CBX5: variants seen among roughly 807,000 people sequenced by gnomAD.
The protein encoded by CBX5 is chromobox protein homolog 5.
Under a neutral mutation model 20.7 loss-of-function variants are expected in CBX5, and 7 were observed. That is an observed-to-expected ratio of 0.34 (90% confidence interval 0.19 to 0.63). CBX5 has a LOEUF of 0.63. Among genes scored for constraint, CBX5 ranks in the 30% least tolerant of loss-of-function variants. The pLI, the probability that CBX5 is intolerant of heterozygous loss-of-function variation, is 0.75. For synonymous variants in CBX5, 78 were observed against 77.0 expected (o/e 1.01, Z -0.07); for missense variants, 110 against 224.1 (o/e 0.49, Z 3.25).
intron 1 of CBX5, among the ~76,000 whole-genome samples, chr12:54,274,562 T>C (rs1183460453): frequency 2.6e-5 from 4 of 152,036 alleles, no homozygotes; most frequent in Admixed American, 2.6e-4. Context: ...AAGGACAAAA[T>C]AAAGACTAGA....
chr12:54,259,120 G>T (rs1053490586), intron 1 of CBX5: 1 of 152,080 alleles, frequency 6.6e-6, no homozygotes, highest in Non-Finnish European at 1.5e-5. Flanking sequence ...GTGCGGGGGG[G>T]TTAAAATAAT....
Position 54,241,660 on chromosome 12 carries a change from T to G in CBX5, c.*95A>C. The G allele has an allele frequency of 3.5e-6, 4 of 1,153,822 alleles. No homozygotes were observed. Among genetic ancestry groups the G allele is most frequent in the Non-Finnish European group, 4.9e-6 (4 of 810,830 alleles). The allele number at this position is 1,153,822 out of a possible 1,614,324, so 71.5% of individuals were successfully genotyped here. On this transcript the variant is annotated 3_prime_UTR_variant, in exon 5 of 5. Transcript: ENST00000209875. ...CAGTGATAAGCACATTTTTTATGGATGTGTTTAGGATAGAAAGGGGTGGGT... is the reference window on the plus strand; with the variant it reads ...CAGTGATAAGCACATTTTTTATGGAGGTGTTTAGGATAGAAAGGGGTGGGT...
intron 3 of CBX5, among the ~76,000 whole-genome samples, chr12:54,249,857 T>A (rs1263420884): frequency 6.6e-6 from 1 of 152,040 alleles, no homozygotes; most frequent in Non-Finnish European, 1.5e-5. Flanking sequence ...AGACAAAAAT[T>A]AATTTTGTAC....
intron 1 of CBX5, chr12:54,278,871 G>T (rs1944097473): frequency 6.6e-6 from 1 of 152,140 alleles, no homozygotes; most frequent in African/African-American, 2.4e-5. Context: ...ATCTTCAATG[G>T]TGTAAAGAAA....
intron 1 of CBX5, chr12:54,272,038 A>G (rs2137031447): frequency 6.6e-6 from 1 of 152,350 alleles, no homozygotes; most frequent in South Asian, 2.1e-4. Context: ...TAGGGATGAG[A>G]AACGAGGCAC....
chr12:54,257,489 C>T lies in CBX5; in HGVS notation c.137+25G>A, dbSNP rs771300504. ...GGTATCTATCTCTACAGAGTCCCAA[C>T]GCCTGGGGGAAAAAAGGAACTTACT... On this transcript the variant is annotated intron_variant, in intron 2 of 4. Coordinates refer to ENST00000209875, the MANE Select transcript of CBX5 (RefSeq NM_012117.3). 27 of 1,613,396 alleles carry T rather than the reference C, an allele frequency of 1.7e-5. No individual in the cohort carries two copies. The Admixed American group carries it at 2.0e-4, about 12-fold the overall frequency.
intron 3 of CBX5, among the ~76,000 whole-genome samples, chr12:54,251,615 T>A (rs1229500417): frequency 6.6e-6 from 1 of 150,770 alleles, no homozygotes; most frequent in Non-Finnish European, 1.5e-5. Context: ...AAGCCGGGAG[T>A]TGGAGATTGC....
rs570605117 is a variant in CBX5, at chr12:54,265,486, G to A, written c.-42-7794C>T. Among the ~76,000 whole-genome samples the A allele has an allele frequency of 5.3e-5, 8 of 152,290 alleles. No homozygotes were observed. The East Asian group carries it at 1.5e-3, about 29-fold the overall frequency. ...AGCTGTCCTGGCTGTCTCAGGTTTT[G>A]TTAAATGGGCTGATAACTATCACTC... On this transcript the variant is annotated intron_variant, in intron 1 of 4. Coordinates refer to ENST00000209875, the MANE Select transcript of CBX5 (RefSeq NM_012117.3).
intron 3 of CBX5, among the ~76,000 whole-genome samples, chr12:54,246,723 G>T (rs369527471): frequency 1.3e-5 from 2 of 149,770 alleles, no homozygotes; most frequent in African/African-American, 4.9e-5. Context: ...GGAGGTTGCA[G>T]TGAGCTGAGA....
chr12:54,259,157 A>C (rs1186700778), intron 1 of CBX5: 1 of 152,166 alleles, frequency 6.6e-6, no homozygotes, highest in Admixed American at 6.6e-5. Flanking sequence ...AAGAGTCCTA[A>C]GCTTCAAGAA....
chr12:54,236,087 A>T lies in CBX5; in HGVS notation c.*5668T>A, dbSNP rs560655783. On this transcript the variant is annotated 3_prime_UTR_variant, in exon 5 of 5. Coordinates refer to ENST00000209875, the MANE Select transcript of CBX5 (RefSeq NM_012117.3). ...GTTCTATGGCCAGCTGGCTCAGTTC[A>T]CCCAATGTTATAGGTCTTTTCCACA... 1 of 152,254 alleles carries T rather than the reference A, an allele frequency of 6.6e-6. No homozygotes were observed. The highest frequency in any genetic ancestry group is 2.1e-4 in the South Asian group (1 of 4,824). The allele number at this position is 152,254 out of a possible 1,614,324, so 9.4% of individuals were successfully genotyped here. A position where few individuals can be genotyped will look rare whatever the true frequency, so the allele number is the denominator to read the frequency against.
rs1044968885 is a variant in CBX5 at position 54,234,700 on chromosome 12, T to C, written c.*7055A>G. 4 of 152,228 alleles carry C rather than the reference T, an allele frequency of 2.6e-5. No homozygotes were observed. The highest frequency in any genetic ancestry group is 7.2e-5 in the African/African-American group (3 of 41,450). 9.4% of individuals were successfully genotyped at this position (152,228 alleles called of 1,614,324 possible). A position where few individuals can be genotyped will look rare whatever the true frequency, so the allele number is the denominator to read the frequency against. Reference sequence around the variant, plus strand: ...CTTTTGCCTCCAGTGCAGGATTCATTCCCTTCCCCACTGCCTTGTTTTAAC... The same window carrying C: ...CTTTTGCCTCCAGTGCAGGATTCATCCCCTTCCCCACTGCCTTGTTTTAAC... On this transcript the variant is annotated 3_prime_UTR_variant, in exon 5 of 5. Transcript: ENST00000209875.
intron 4 of CBX5, among the ~76,000 whole-genome samples, chr12:54,242,435 G>A (rs1027280658): frequency 6.0e-5 from 9 of 149,006 alleles, no homozygotes; most frequent in Non-Finnish European, 1.3e-4. Flanking sequence ...TGAGGCAGGA[G>A]AATGGCGTGA....
intron 1 of CBX5, among the ~76,000 whole-genome samples, chr12:54,265,477 T>C (rs1943948430): frequency 6.6e-6 from 1 of 152,220 alleles, no homozygotes; most frequent in Non-Finnish European, 1.5e-5. Context: ...CCTGGCTGTC[T>C]CAGGTTTTGT....
chr12:54,269,194 C>A (rs996317231), intron 1 of CBX5, among the ~76,000 whole-genome samples: 5 of 151,592 alleles, frequency 3.3e-5, no homozygotes, highest in African/African-American at 1.2e-4. Flanking sequence ...CCCCAGGAGG[C>A]GGAGGTTGCA....
intron 1 of CBX5, among the ~76,000 whole-genome samples, chr12:54,261,574 C>A (rs1943916350): frequency 6.6e-6 from 1 of 152,178 alleles, no homozygotes; most frequent in Admixed American, 6.5e-5. Flanking sequence ...GGATTACAGG[C>A]ATGAGACACT....
intron 1 of CBX5, among the ~76,000 whole-genome samples, chr12:54,279,272 C>T (rs1449083891): frequency 6.6e-6 from 1 of 151,894 alleles, no homozygotes; most frequent in African/African-American, 2.4e-5. Flanking sequence ...AAAGAAGCGA[C>T]TTCTGAAAGT....
chr12:54,247,676 C>T (rs1453504203), intron 3 of CBX5, among the ~76,000 whole-genome samples: 3 of 151,924 alleles, frequency 2.0e-5, no homozygotes, highest in Admixed American at 2.0e-4. Context: ...TTTATACAAG[C>T]CAGGTAATTT....
chr12:54,258,152 T>C (rs1325278067), intron 1 of CBX5: 1 of 152,974 alleles, frequency 6.5e-6, no homozygotes, highest in East Asian at 1.9e-4. Flanking sequence ...GCTCTGAGCA[T>C]CTTGCCCAGT....
Sources: allele counts gnomAD v4.1 joint callset (sites outside exome capture counted in the v4.1 genomes callset), GRCh38; gene constraint gnomAD v4.1.1; transcripts MANE v1.5; gene names NCBI Gene and HGNC (gene_info 2026-07-23, HGNC 2026-07-21).